The following SRP72 variants were observed in gnomAD, a reference collection of about 807,000 sequenced individuals.
SRP72 encodes signal recognition particle subunit SRP72.
In SRP72, 49 loss-of-function variants were observed where a neutral mutation model predicts 96.3. The observed-to-expected ratio is 0.51, with a 90% CI of 0.40 to 0.65. The LOEUF (loss-of-function observed/expected upper bound fraction) is 0.65, where lower values mean the gene tolerates loss of function less well. SRP72 is among the 30% of genes least tolerant of loss of function. The probability of loss-of-function intolerance (pLI) is 0.00; values close to 1 mark genes in which losing one functional copy is unlikely to be tolerated. For missense variants in SRP72, 736 were observed against 793.3 expected (o/e 0.93, Z 0.87); for synonymous variants, 267 against 275.2 (o/e 0.97, Z 0.30).
At chr4:56,475,625 C>G (rs1720185174) in intron 5 of SRP72, 1 of 151,912 alleles carries the variant, frequency 6.6e-6, no homozygotes, top group Non-Finnish European at 1.5e-5. Context: ...CCTTGACCAC[C>G]CGAAGTGCTG....
At position 56,474,322 on chromosome 4, in the gene SRP72, A is replaced by G. The variant is rs770014514; in HGVS notation, c.541A>G (p.Asn181Asp). 1 of 1,614,116 alleles carries G rather than the reference A, an allele frequency of 6.2e-7. No homozygotes were observed. The highest frequency in any genetic ancestry group is 1.3e-5 in the African/African-American group (1 of 74,942). ...AGAAGGCACACATGAGCTGTGCTAC[A>G]ACACTGCATGTGCACTGATAGGCCA... ...LQEGTHELCYNTACALIGQGQ... is the reference protein window; with the variant it reads ...LQEGTHELCYDTACALIGQGQ... The change falls in exon 5 of 19, where the codon AAC becomes GAC. Residue 181 changes from asparagine to aspartate, a missense_variant. By Grantham distance (23) the Asn-to-Asp change is conservative (BLOSUM62 1). Around this residue, in one of 3 missense-constraint regions of SRP72, gnomAD observed 329 missense variants for 319.0 expected, o/e 1.03. Coordinates refer to ENST00000642900, the MANE Select transcript of SRP72 (RefSeq NM_006947.4).
rs369486797 is a variant in SRP72 at position 56,489,085 on chromosome 4, T to A, written c.1225-303T>A. On this transcript the variant is annotated intron_variant, in intron 12 of 18. Coordinates refer to ENST00000642900, the MANE Select transcript of SRP72 (RefSeq NM_006947.4). Reference sequence around the variant, plus strand: ...CACTTAAATGTCCAGCAGTGTCTTATTGTAGAAACATTTCTAAGGGCTTAT... The same window carrying A: ...CACTTAAATGTCCAGCAGTGTCTTAATGTAGAAACATTTCTAAGGGCTTAT... 153 of 225,666 alleles carry A rather than the reference T, an allele frequency of 6.8e-4. No homozygotes were observed. In the South Asian group the frequency reaches 0.01, roughly 15 times the overall value. 14.0% of individuals were successfully genotyped at this position (225,666 alleles called of 1,614,324 possible).
chr4:56,480,679 T>C (rs2110119365), intron 8 of SRP72, among the ~76,000 whole-genome samples: 1 of 152,390 alleles, frequency 6.6e-6, no homozygotes, highest in South Asian at 2.1e-4. Flanking sequence ...TGGGTATTTC[T>C]GACTTTTTCA....
rs569643683 is a variant in SRP72 at position 56,470,828 on chromosome 4, G to GTT, written c.231-875_231-874dup. ...TTTTGTCAATGAGTCTTGGATAAAA[G>GTT]TTTTTTTTTTTTTTTTTTGGGAGGA... On this transcript the variant is annotated intron_variant, in intron 2 of 18. Transcript: ENST00000642900. Among the ~76,000 whole-genome samples the GTT allele has an allele frequency of 9.4e-4, 122 of 130,156 alleles. 1 individual carries two copies. Among genetic ancestry groups the GTT allele is most frequent in the East Asian group, 3.4e-3 (15 of 4,420 alleles). 85.4% of individuals were successfully genotyped at this position (130,156 alleles called of 152,430 possible).
intron 5 of SRP72, among the ~76,000 whole-genome samples, chr4:56,475,220 A>G (rs1720158474): frequency 6.6e-6 from 1 of 152,186 alleles, no homozygotes; most frequent in African/African-American, 2.4e-5. Context: ...TAAAATAAGA[A>G]CAAAGGTTAG....
chr4:56,475,520 C>G (rs1236280843), intron 5 of SRP72, among the ~76,000 whole-genome samples: 1 of 149,464 alleles, frequency 6.7e-6, no homozygotes, highest in Non-Finnish European at 1.5e-5. Context: ...TGAAATCATA[C>G]CACTGTATTC....
At chr4:56,495,895 C>T (rs538496738) in intron 17 of SRP72, among the ~76,000 whole-genome samples, 3 of 152,138 alleles carry the variant, frequency 2.0e-5, no homozygotes, top group Non-Finnish European at 4.4e-5. Context: ...TTCTGCTCTC[C>T]ACAAAACAGA....
chr4:56,484,791 T>A lies in SRP72; in HGVS notation c.1013T>A (p.Leu338His). The change falls in exon 10 of 19, where the codon CTC becomes CAC. Residue 338 changes from leucine (L) to histidine (H), a missense_variant. Coordinates refer to ENST00000642900, the MANE Select transcript of SRP72 (RefSeq NM_006947.4). ...ASLQSQSPEH[L>H]LPVLIQAAQL... ...TTACAGTCCCAAAGTCCCGAGCATC[T>A]CTTACCTGTGTTAATCCAAGCTGCC... 1 of 1,614,194 alleles carries A rather than the reference T, an allele frequency of 6.2e-7. No homozygotes were observed. Among genetic ancestry groups the A allele is most frequent in the Non-Finnish European group, 8.5e-7 (1 of 1,180,040 alleles).
chr4:56,475,873 T>C (rs1425924248), intron 5 of SRP72: 7 of 152,182 alleles, frequency 4.6e-5, no homozygotes, highest in African/African-American at 9.7e-5. Flanking sequence ...TGAATGTTCA[T>C]TGAAGGAATA....
intron 17 of SRP72, among the ~76,000 whole-genome samples, chr4:56,499,456 G>A (rs909581704): frequency 6.6e-6 from 1 of 152,154 alleles, no homozygotes; most frequent in Non-Finnish European, 1.5e-5. Flanking sequence ...TACAGAATGG[G>A]AGAAAATTTT....
At chr4:56,501,591 G>A (rs1721263078) in intron 18 of SRP72, 93 bp from the exon 19 acceptor site, 2 of 1,082,888 alleles carry the variant, frequency 1.8e-6, no homozygotes, top group African/African-American at 1.6e-5. Flanking sequence ...GTGGGAGATT[G>A]TTAAGTGTGA....
At chr4:56,470,767 G>A (rs1336126590) in intron 2 of SRP72, among the ~76,000 whole-genome samples, 4 of 151,682 alleles carry the variant, frequency 2.6e-5, no homozygotes, top group South Asian at 4.2e-4. Context: ...CTTGATTTTG[G>A]GCTATTTTGT....
rs942566739 is a variant in SRP72, at chr4:56,468,733, A to G, written c.110-920A>G. On this transcript the variant is annotated intron_variant, in intron 1 of 18. Coordinates refer to ENST00000642900, the MANE Select transcript of SRP72 (RefSeq NM_006947.4). Reference sequence around the variant, plus strand: ...GGTGATTTCAGACATTGAGGAAAATAGCTACGAATTAGAATTATTTGATCC... The same window carrying G: ...GGTGATTTCAGACATTGAGGAAAATGGCTACGAATTAGAATTATTTGATCC... Among the ~76,000 whole-genome samples, 7 of 152,224 alleles carry G rather than the reference A, an allele frequency of 4.6e-5. 1 individual carries two copies. The highest frequency in any genetic ancestry group is 2.0e-4 in the Admixed American group (3 of 15,278).
chr4:56,495,358 C>A lies in SRP72; in HGVS notation c.1642C>A (p.Gln548Lys). ...TGDSQPKEQG[Q>K]GDLKKKKKKK... ...AATGATTTTTTTTTCTCTTTGTAGA[C>A]AGGGAGATTTGAAAAAGAAGAAAAA... Residue 548 changes from glutamine to lysine, a missense_variant and splice_region_variant, in exon 17 of 19, where the codon CAG (glutamine) becomes AAG (lysine). Transcript: ENST00000642900. The A allele has an allele frequency of 6.7e-7, 1 of 1,490,260 alleles. No homozygotes were observed. Among genetic ancestry groups the A allele is most frequent in the Admixed American group, 1.8e-5 (1 of 56,332 alleles). 92.3% of individuals were successfully genotyped at this position (1,490,260 alleles called of 1,614,324 possible). A position where few individuals can be genotyped will look rare whatever the true frequency, so the allele number is the denominator to read the frequency against.
chr4:56,467,881 G>T, intron 1 of SRP72, 137 bp downstream of exon 1: 1 of 893,066 alleles, frequency 1.1e-6, no homozygotes, highest in Non-Finnish European at 1.6e-6. Context: ...TGTCCGCCCG[G>T]CTCGGGCCCT....
Position 56,469,972 on chromosome 4 carries a change from G to GT in SRP72, c.230+216dup, listed in dbSNP as rs150238707. On this transcript the variant is annotated intron_variant, in intron 2 of 18. Transcript: ENST00000642900. ...CTTCTGTTTTTTTCAGCCTTAGAGA[G>GT]TTTTTTTTTTTTTTTTTAACCACTG... is the stretch of plus-strand genomic sequence containing the variant. 0.02 allele frequency among the ~76,000 whole-genome samples: 2,611 copies of GT among 131,406 alleles called. 40 individuals carry two copies. Among genetic ancestry groups the GT allele is most frequent in the African/African-American group, 0.043 (1,519 of 35,256 alleles). 86.2% of individuals were successfully genotyped at this position (131,406 alleles called of 152,430 possible).
rs1720221119 is a variant in SRP72 at position 56,476,328 on chromosome 4, C to G, written c.611-343C>G. 7 of 269,136 alleles carry G rather than the reference C, an allele frequency of 2.6e-5. No homozygotes were observed. The South Asian group carries it at 4.0e-4, about 16-fold the overall frequency. The allele number at this position is 269,136 out of a possible 1,614,324, so 16.7% of individuals were successfully genotyped here. A position where few individuals can be genotyped will look rare whatever the true frequency, so the allele number is the denominator to read the frequency against. On this transcript the variant is annotated intron_variant, in intron 5 of 18. Transcript: ENST00000642900. ...ATTAAAAAACTAAATAACTGAAATG[C>G]TAGTAGTGTTTATCTCTGGGTGGTA...
At chr4:56,479,052 G>A (rs1319554136) in intron 8 of SRP72, among the ~76,000 whole-genome samples, 3 of 151,888 alleles carry the variant, frequency 2.0e-5, no homozygotes, top group African/African-American at 7.3e-5. Context: ...TTTTTTTAGG[G>A]GGTATGGACA....
intron 5 of SRP72, among the ~76,000 whole-genome samples, chr4:56,474,829 C>T (rs970122572): frequency 2.0e-5 from 3 of 152,142 alleles, no homozygotes; most frequent in Non-Finnish European, 4.4e-5. Flanking sequence ...GGATCACAGG[C>T]GCATGCCAGA....
Sources: allele counts gnomAD v4.1 joint callset (sites outside exome capture counted in the v4.1 genomes callset), GRCh38; gene constraint gnomAD v4.1.1; regional missense constraint gnomAD v4.1.1; transcripts MANE v1.5; gene names NCBI Gene and HGNC (gene_info 2026-07-23, HGNC 2026-07-21).